CPA6: variants seen among roughly 807,000 people sequenced by gnomAD.
CPA6 encodes carboxypeptidase A6.
In CPA6, 58 loss-of-function variants were observed where a neutral mutation model predicts 63.3. The ratio of observed to expected loss-of-function variants is 0.92; its 90% CI spans 0.74 to 1.14. The LOEUF is 1.14. Among genes scored for constraint, CPA6 ranks in the 50% most tolerant of loss-of-function variants. The pLI is 0.00. For synonymous variants in CPA6, 185 were observed against 179.0 expected, an observed-to-expected ratio of 1.03 and a Z score of -0.27; for missense variants, 565 against 526.6, an observed-to-expected ratio of 1.07 and a Z score of -0.71.
intron 1 of CPA6, among the ~76,000 whole-genome samples, chr8:67,729,039 G>T (rs1032447658): frequency 6.6e-6 from 1 of 152,172 alleles, no homozygotes; most frequent in African/African-American, 2.4e-5. Context: ...AGCAGATCTC[G>T]AACTTGTCAC....
intron 1 of CPA6, among the ~76,000 whole-genome samples, chr8:67,715,668 G>A (rs917781103): frequency 8.5e-5 from 13 of 152,272 alleles, no homozygotes; most frequent in South Asian, 6.2e-4. Context: ...CCAAATGGTC[G>A]TAACATAATA....
intron 2 of CPA6, among the ~76,000 whole-genome samples, chr8:67,570,246 A>C (rs962491624): frequency 1.3e-5 from 2 of 152,218 alleles, no homozygotes; most frequent in Non-Finnish European, 2.9e-5. Flanking sequence ...GGAAGAAATA[A>C]AACTTCCCCA....
intron 8 of CPA6, among the ~76,000 whole-genome samples, chr8:67,466,222 C>T (rs1810923811): frequency 6.6e-6 from 1 of 151,306 alleles, no homozygotes; most frequent in South Asian, 2.1e-4. Flanking sequence ...TCCACTTCCT[C>T]TAGATTTTCT....
At chr8:67,509,834 C>G (rs1485556552) in intron 4 of CPA6, among the ~76,000 whole-genome samples, 1 of 152,014 alleles carries the variant, frequency 6.6e-6, no homozygotes, top group African/African-American at 2.4e-5. Context: ...TAGCTTATGT[C>G]TTTATATAGT....
intron 6 of CPA6, among the ~76,000 whole-genome samples, chr8:67,495,660 T>G (rs1811695590): frequency 6.6e-6 from 1 of 152,038 alleles, no homozygotes; most frequent in Non-Finnish European, 1.5e-5. Context: ...ATGGGATGTG[T>G]TTTTTGCTCC....
Position 67,484,700 on chromosome 8 carries a change from T to A in CPA6, c.726A>T (p.Gly242=). Residue 242 remains glycine, a synonymous_variant, in exon 7 of 11, where the codon GGA becomes GGT. Coordinates refer to ENST00000297770, the MANE Select transcript of CPA6 (RefSeq NM_020361.5). The part of the protein sequence containing the change: ...FYIMPVFNVD[G]YHFSWTNDRF... ...TTACATTGGTCCAACTAAAATGGTA[T>A]CCATCGACGTTAAACACAGGCATGA... 3.1e-6 allele frequency: 5 copies of A among 1,592,354 alleles called. No individual in the cohort carries two copies. Among genetic ancestry groups the A allele is most frequent in the Non-Finnish European group, 3.4e-6 (4 of 1,161,000 alleles).
chr8:67,613,826 A>G (rs1178678062), intron 2 of CPA6, among the ~76,000 whole-genome samples: 1 of 152,074 alleles, frequency 6.6e-6, no homozygotes, highest in Non-Finnish European at 1.5e-5. Flanking sequence ...ACCCATATAA[A>G]CCCTGAACAC....
chr8:67,592,366 T>C (rs370798893), intron 2 of CPA6, among the ~76,000 whole-genome samples: 2 of 152,230 alleles, frequency 1.3e-5, no homozygotes, highest in East Asian at 3.8e-4. Flanking sequence ...GTTGTGTCTC[T>C]GCCACACTTT....
At chr8:67,427,245 C>G (rs767533428) in intron 10 of CPA6, among the ~76,000 whole-genome samples, 1 of 152,136 alleles carries the variant, frequency 6.6e-6, no homozygotes, top group African/African-American at 2.4e-5. Flanking sequence ...TTTACATACC[C>G]CCTATTTATT....
chr8:67,676,077 G>C (rs6981797), intron 1 of CPA6, among the ~76,000 whole-genome samples: 2,766 of 152,248 alleles, frequency 0.018, 76 homozygotes, highest in African/African-American at 0.057. Context: ...CTAAATTACA[G>C]TACTTTAGTT....
intron 2 of CPA6, among the ~76,000 whole-genome samples, chr8:67,553,928 T>C (rs1813004175): frequency 6.6e-6 from 1 of 152,244 alleles, no homozygotes; most frequent in Non-Finnish European, 1.5e-5. Context: ...CCTGAATTTT[T>C]GGCTTGCTGT....
chr8:67,630,110 A>AAATAATAATAATAATAAT (rs61666997), intron 1 of CPA6, among the ~76,000 whole-genome samples: 1,462 of 144,854 alleles, frequency 0.01, 18 homozygotes, highest in African/African-American at 0.028. Context: ...GTCTCAATTA[A>AAATAATAATAATAATAAT]AATAATAATA....
chr8:67,450,090 A>G (rs1448413345), intron 8 of CPA6, among the ~76,000 whole-genome samples: 2 of 152,018 alleles, frequency 1.3e-5, no homozygotes, highest in Non-Finnish European at 2.9e-5. Flanking sequence ...TGCTGGGATT[A>G]CAGGCATGAG....
intron 2 of CPA6, among the ~76,000 whole-genome samples, chr8:67,554,867 C>T (rs1376207589): frequency 6.6e-6 from 1 of 152,146 alleles, no homozygotes. Flanking sequence ...CCCTTGCCTG[C>T]ATGGAGGGTA....
At chr8:67,459,512 C>T (rs1337711116) in intron 8 of CPA6, among the ~76,000 whole-genome samples, 1 of 152,098 alleles carries the variant, frequency 6.6e-6, no homozygotes, top group African/African-American at 2.4e-5. Flanking sequence ...AGAAGCCAAT[C>T]CAAAAAGGTT....
At chr8:67,461,269 G>A (rs368193354) in intron 8 of CPA6, among the ~76,000 whole-genome samples, 4 of 143,140 alleles carry the variant, frequency 2.8e-5, no homozygotes, top group East Asian at 4.0e-4. Flanking sequence ...GATTCTTAAC[G>A]AGCATGCTGC....
At position 67,599,404 on chromosome 8, in the gene CPA6, C is replaced by A. The variant is rs1323773141; in HGVS notation, c.192+24772G>T. On this transcript the variant is annotated intron_variant, in intron 2 of 10. Coordinates refer to ENST00000297770, the MANE Select transcript of CPA6 (RefSeq NM_020361.5). ...CTTTGCTTCATGCCTCCCTGGTTGC[C>A]CAACTCCCCTCTGGAAGAATCCTCC... Among the ~76,000 whole-genome samples the A allele has an allele frequency of 2.6e-5, 4 of 152,134 alleles. No individual in the cohort carries two copies. The East Asian group carries it at 7.7e-4, about 29-fold the overall frequency.
intron 1 of CPA6, among the ~76,000 whole-genome samples, chr8:67,674,796 A>C (rs1816432394): frequency 6.6e-6 from 1 of 152,232 alleles, no homozygotes; most frequent in South Asian, 2.1e-4. Flanking sequence ...GATGGATTAG[A>C]TAAAGAAAAT....
At chr8:67,536,046 A>G (rs1007617601) in intron 2 of CPA6, among the ~76,000 whole-genome samples, 15 of 152,024 alleles carry the variant, frequency 9.9e-5, no homozygotes, top group Admixed American at 2.6e-4. Flanking sequence ...AGGCCTCTGT[A>G]CTGTTCCATT....
Sources: gnomAD v4.1 joint callset for allele counts (sites outside exome capture counted in the v4.1 genomes callset) on GRCh38, gnomAD v4.1.1 for gene constraint, MANE v1.5 for transcripts, NCBI Gene and HGNC (gene_info 2026-07-23, HGNC 2026-07-21) for gene names.